Variants in PCDHA13 observed in about 807,000 individuals in gnomAD.
The protein encoded by PCDHA13 is protocadherin alpha 13.
A neutral mutation model predicts 64.8 loss-of-function variants in PCDHA13; 54 were observed. The ratio of observed to expected loss-of-function variants is 0.83; its 90% CI spans 0.67 to 1.04. PCDHA13 has a LOEUF of 1.04. PCDHA13 is among the 50% of genes least tolerant of loss of function. The probability of loss-of-function intolerance (pLI) is 0.00; values close to 1 mark genes in which losing one functional copy is unlikely to be tolerated. For synonymous variants in PCDHA13, 587 were observed against 564.4 expected (o/e 1.04, Z -0.57); for missense variants, 1,248 against 1,254.3 (o/e 0.99, Z 0.08).
chr5:140,981,862 T>C (rs1160188291), intron 2 of PCDHA13, among the ~76,000 whole-genome samples: 1 of 152,212 alleles, frequency 6.6e-6, no homozygotes, highest in African/African-American at 2.4e-5. Flanking sequence ...CTCCCAGCAA[T>C]GTTTTATGCT....
intron 1 of PCDHA13, among the ~76,000 whole-genome samples, chr5:140,950,852 A>G (rs1172997648): frequency 6.6e-6 from 1 of 151,856 alleles, no homozygotes; most frequent in Non-Finnish European, 1.5e-5. Flanking sequence ...CATTTCTTTC[A>G]TATTCTTGTA....
chr5:140,882,970 C>A lies in PCDHA13; in HGVS notation c.702C>A (p.Asp234Glu), dbSNP rs111935814. Residue 234 changes from aspartate to glutamate, a missense_variant, in exon 1 of 4, where the codon GAC (aspartate) becomes GAA (glutamate). Coordinates refer to ENST00000289272, the MANE Select transcript of PCDHA13 (RefSeq NM_018904.3). ...GTVQLLITILDVNDNAPEFYQ... is the reference protein window; with the variant it reads ...GTVQLLITILEVNDNAPEFYQ... The stretch of plus-strand genomic sequence containing the variant: ...TTCAGCTGCTCATCACGATTCTGGA[C>A]GTGAATGACAACGCCCCGGAATTTT... The A allele has an allele frequency of 1.2e-6, 2 of 1,614,130 alleles. No homozygotes were observed. Among genetic ancestry groups the A allele is most frequent in the African/African-American group, 1.3e-5 (1 of 75,032 alleles).
intron 1 of PCDHA13, among the ~76,000 whole-genome samples, chr5:140,908,155 G>T (rs559304647): frequency 2.0e-5 from 3 of 152,194 alleles, no homozygotes; most frequent in African/African-American, 4.8e-5. Flanking sequence ...TCCTAGGAAG[G>T]GGCTGTAGTG....
chr5:140,898,147 C>G (rs2066556304), intron 1 of PCDHA13, among the ~76,000 whole-genome samples: 1 of 152,150 alleles, frequency 6.6e-6, no homozygotes, highest in Non-Finnish European at 1.5e-5. Context: ...GTTGCCTGTT[C>G]ACGCTGATGG....
At chr5:140,968,639 GC>G in intron 1 of PCDHA13, 1 of 1,614,150 alleles carries the variant, frequency 6.2e-7, no homozygotes, top group Non-Finnish European at 8.5e-7. Context: ...TTACCATCTA[GC>G]CCAGACTTCT....
intron 3 of PCDHA13, among the ~76,000 whole-genome samples, chr5:140,993,766 C>T (rs567978996): frequency 9.2e-5 from 14 of 152,082 alleles, no homozygotes; most frequent in African/African-American, 1.7e-4. Context: ...ATTACAATTG[C>T]GCAGTATTTT....
chr5:140,896,583 G>T (rs557774521), intron 1 of PCDHA13, among the ~76,000 whole-genome samples: 1 of 151,654 alleles, frequency 6.6e-6, no homozygotes, highest in South Asian at 2.1e-4. Context: ...TGACGTGTTG[G>T]CCAGGCTGGT....
At chr5:140,977,448 CTCCTT>C (rs1554238572) in intron 1 of PCDHA13, among the ~76,000 whole-genome samples, 2 of 152,212 alleles carry the variant, frequency 1.3e-5, no homozygotes, top group Non-Finnish European at 2.9e-5. Context: ...ATAATGGAAA[CTCCTT>C]TGATTTGGTC....
Position 140,893,828 on chromosome 5 carries a change from C to T in PCDHA13, c.2394+9166C>T, listed in dbSNP as rs144587014. Among the ~76,000 whole-genome samples the T allele has an allele frequency of 1.9e-3, 290 of 152,282 alleles. 1 individual carries two copies. Among genetic ancestry groups the T allele is most frequent in the African/African-American group, 6.6e-3 (275 of 41,556 alleles). ...CTTGAGTCTGGTACCGTAGACTACT[C>T]AGCCATCCTGATGCCCTACCTCTTG... On this transcript the variant is annotated intron_variant, in intron 1 of 3. Coordinates refer to ENST00000289272, the MANE Select transcript of PCDHA13 (RefSeq NM_018904.3).
At chr5:140,891,432 C>T (rs183679) in intron 1 of PCDHA13, among the ~76,000 whole-genome samples, 69,006 of 149,136 alleles carry the variant, frequency 0.46, 16,159 homozygotes, top group South Asian at 0.58. Context: ...AAGTCCCCAA[C>T]GTCCATTGTA....
chr5:140,895,874 C>T (rs1051774060), intron 1 of PCDHA13, among the ~76,000 whole-genome samples: 5 of 152,120 alleles, frequency 3.3e-5, no homozygotes, highest in Admixed American at 2.6e-4. Context: ...TGCAATGGCG[C>T]GATCTCGGCT....
chr5:140,927,848 G>T (rs1295513512), intron 1 of PCDHA13: 2 of 1,614,180 alleles, frequency 1.2e-6, no homozygotes, highest in Middle Eastern at 3.3e-4. Context: ...GGTGTCTTTG[G>T]TTTAGCTAGC....
intron 1 of PCDHA13, among the ~76,000 whole-genome samples, chr5:140,897,369 T>C (rs183566624): frequency 0.013 from 1,702 of 128,706 alleles, 36 homozygotes; most frequent in African/African-American, 0.049. Flanking sequence ...GAGTGTGATG[T>C]TCCCTTCCCC....
chr5:140,967,793 G>A (rs1447753881), intron 1 of PCDHA13: 24 of 1,614,080 alleles, frequency 1.5e-5, no homozygotes, highest in Non-Finnish European at 1.9e-5. Flanking sequence ...CCGGGGTCCA[G>A]TGCCCATGGC....
intron 1 of PCDHA13, among the ~76,000 whole-genome samples, chr5:140,899,342 C>T (rs1317774028): frequency 6.6e-6 from 1 of 152,044 alleles, no homozygotes; most frequent in African/African-American, 2.4e-5. Context: ...ATAGATAGCT[C>T]TTATTATTTT....
At chr5:140,924,263 G>T (rs1292368780) in intron 1 of PCDHA13, among the ~76,000 whole-genome samples, 3 of 152,148 alleles carry the variant, frequency 2.0e-5, no homozygotes, top group African/African-American at 7.2e-5. Context: ...ATCTAATGAG[G>T]TCTGTACTTG....
chr5:140,954,909 T>C (rs1309101151), intron 1 of PCDHA13, among the ~76,000 whole-genome samples: 3 of 152,164 alleles, frequency 2.0e-5, no homozygotes, highest in Admixed American at 6.5e-5. Flanking sequence ...TTTCATACTT[T>C]TATGAATTAC....
At chr5:140,912,613 T>C in intron 1 of PCDHA13, among the ~76,000 whole-genome samples, 1 of 152,290 alleles carries the variant, frequency 6.6e-6, no homozygotes, top group Middle Eastern at 3.4e-3. Flanking sequence ...TCTTGTCTGA[T>C]TACTCTGGAT....
rs2098417470 is a variant in PCDHA13, at chr5:141,010,504, A to G, written c.*567A>G. On this transcript the variant is annotated 3_prime_UTR_variant, in exon 4 of 4. Coordinates refer to ENST00000289272, the MANE Select transcript of PCDHA13 (RefSeq NM_018904.3). ...AACTTAAAGGGACCAGACTTTCTAA[A>G]TCTTACAACTCAAGAGGTGGCAGCC... 3.6e-6 allele frequency: 2 copies of G among 549,616 alleles called. No homozygotes were observed. The allele number at this position is 549,616 out of a possible 1,614,324, so 34.0% of individuals were successfully genotyped here.
Sources: gnomAD v4.1 joint callset for allele counts (sites outside exome capture counted in the v4.1 genomes callset) on GRCh38, gnomAD v4.1.1 for gene constraint, MANE v1.5 for transcripts, NCBI Gene and HGNC (gene_info 2026-07-23, HGNC 2026-07-21) for gene names.